LRP1B: variants seen among roughly 807,000 people sequenced by gnomAD.
LRP1B encodes the protein LDL receptor related protein 1B.
LRP1B carries 217 observed loss-of-function variants against 556.6 expected under a neutral mutation model. The ratio of observed to expected loss-of-function variants is 0.39; its 90% CI spans 0.35 to 0.44. LRP1B has a LOEUF of 0.44. LRP1B is among the 20% of genes least tolerant of loss of function. The probability of loss-of-function intolerance (pLI) is 1.00; values close to 1 mark genes in which losing one functional copy is unlikely to be tolerated. For missense variants in LRP1B, 5,053 were observed against 5,620.8 expected (o/e 0.90, Z 3.23); for synonymous variants, 2,047 against 1,865.8 (o/e 1.10, Z -2.50).
Position 141,229,178 on chromosome 2 carries a change from C to T in LRP1B, c.850+5G>A, listed in dbSNP as rs1246934017. 6.2e-7 allele frequency: 1 copy of T among 1,612,416 alleles called. No homozygotes were observed. Among genetic ancestry groups the T allele is most frequent in the Admixed American group, 1.7e-5 (1 of 59,816 alleles). ...TGGCATATAATATTTAATTGAAACA[C>T]TTACTGTGGAAGGATTGAAGAATAT... On this transcript the variant is annotated splice_donor_5th_base_variant and intron_variant, in intron 6 of 90. Transcript: ENST00000389484.
chr2:140,288,885 C>T (rs536941792), intron 84 of LRP1B, among the ~76,000 whole-genome samples: 2 of 151,760 alleles, frequency 1.3e-5, no homozygotes, highest in African/African-American at 4.8e-5. Flanking sequence ...ATGTACTCTT[C>T]CTTACATTGT....
intron 41 of LRP1B, among the ~76,000 whole-genome samples, chr2:140,646,620 T>C (rs1684494734): frequency 6.6e-6 from 1 of 152,214 alleles, no homozygotes; most frequent in African/African-American, 2.4e-5. Flanking sequence ...AGCATTCATA[T>C]TTTTTAATGT....
At chr2:141,983,799 G>A (rs747166966) in intron 1 of LRP1B, among the ~76,000 whole-genome samples, 49 of 152,278 alleles carry the variant, frequency 3.2e-4, no homozygotes, top group Non-Finnish European at 4.9e-4. Flanking sequence ...GGTGGCTCAC[G>A]CCTGCAATCC....
intron 15 of LRP1B, among the ~76,000 whole-genome samples, chr2:140,999,519 G>A (rs999999884): frequency 6.6e-6 from 1 of 151,994 alleles, no homozygotes; most frequent in Non-Finnish European, 1.5e-5. Context: ...AAACAACATT[G>A]TATATAGTAT....
chr2:140,521,463 A>G (rs1419503222), intron 49 of LRP1B, among the ~76,000 whole-genome samples: 1 of 152,080 alleles, frequency 6.6e-6, no homozygotes, highest in Non-Finnish European at 1.5e-5. Flanking sequence ...TAAAGGAGAA[A>G]TAAAGTCTTT....
In LRP1B at chr2:141,847,606, T is replaced by C. The variant is rs1687370507; in HGVS notation, c.83-37205A>G. ...AAATGCAGAAAAACATACAGTATAG[T>C]GCAATGGAATAAAAAGCCTTAAGAC... is the stretch of plus-strand genomic sequence containing the variant. On this transcript the variant is annotated intron_variant, in intron 1 of 90. Transcript: ENST00000389484. 2.0e-5 allele frequency among the ~76,000 whole-genome samples: 3 copies of C among 151,506 alleles called. No individual in the cohort carries two copies. The South Asian group carries it at 6.2e-4, about 31-fold the overall frequency.
At chr2:141,077,662 G>C (rs781230479) in intron 7 of LRP1B, among the ~76,000 whole-genome samples, 1 of 152,168 alleles carries the variant, frequency 6.6e-6, no homozygotes, top group Non-Finnish European at 1.5e-5. Flanking sequence ...GATTTCCCCC[G>C]AGGAAGAAGT....
intron 11 of LRP1B, among the ~76,000 whole-genome samples, chr2:141,022,695 G>C (rs1200595394): frequency 6.6e-6 from 1 of 151,802 alleles, no homozygotes; most frequent in Non-Finnish European, 1.5e-5. Context: ...GGCATTCAAA[G>C]GCCAAACAAA....
intron 7 of LRP1B, among the ~76,000 whole-genome samples, chr2:141,140,873 T>C (rs1701634394): frequency 6.6e-6 from 1 of 152,074 alleles, no homozygotes; most frequent in South Asian, 2.1e-4. Context: ...ATAATATACA[T>C]AATTATAAAT....
intron 3 of LRP1B, among the ~76,000 whole-genome samples, chr2:141,448,386 G>A (rs1232504861): frequency 1.3e-5 from 2 of 152,156 alleles, no homozygotes; most frequent in African/African-American, 4.8e-5. Flanking sequence ...AAGACCACTT[G>A]GCTTCCTGGC....
At chr2:141,967,532 T>C (rs543386755) in intron 1 of LRP1B, among the ~76,000 whole-genome samples, 1 of 151,856 alleles carries the variant, frequency 6.6e-6, no homozygotes, top group Non-Finnish European at 1.5e-5. Context: ...TCTTTTCAAA[T>C]GTATACACAC....
At chr2:141,216,470 C>A (rs79702528) in intron 6 of LRP1B, among the ~76,000 whole-genome samples, 11,703 of 152,224 alleles carry the variant, frequency 0.077, 478 homozygotes, top group East Asian at 0.15. Context: ...GGGGTTGGAG[C>A]CTCCACTCAG....
At chr2:142,033,039 G>A (rs538377100) in intron 1 of LRP1B, among the ~76,000 whole-genome samples, 115 of 151,742 alleles carry the variant, frequency 7.6e-4, no homozygotes, top group African/African-American at 2.5e-3. Context: ...CGCCTCATCT[G>A]TCATGAACAT....
chr2:141,765,122 G>C (rs12472879), intron 2 of LRP1B, among the ~76,000 whole-genome samples: 1 of 130,054 alleles, frequency 7.7e-6, no homozygotes, highest in Non-Finnish European at 1.8e-5. Flanking sequence ...AACAGGGAAA[G>C]AATTCGCAAG....
At chr2:141,475,524 C>A (rs1682666264) in intron 3 of LRP1B, among the ~76,000 whole-genome samples, 1 of 152,178 alleles carries the variant, frequency 6.6e-6, no homozygotes, top group East Asian at 1.9e-4. Context: ...CCAGCAAAGG[C>A]CCCATCCTCA....
intron 66 of LRP1B, among the ~76,000 whole-genome samples, chr2:140,420,865 C>G (rs1177129856): frequency 6.6e-6 from 1 of 152,088 alleles, no homozygotes; most frequent in Non-Finnish European, 1.5e-5. Flanking sequence ...AGGGAAATTT[C>G]TAGAGGTGAT....
At position 140,773,950 on chromosome 2, in the gene LRP1B, T is replaced by C. The variant is rs144216168; in HGVS notation, c.5500+2148A>G. ...CTTGGCTTAATAATTTATAATGATA[T>C]TGATGTTGAAACCTCATGCCCCAAA... On this transcript the variant is annotated intron_variant, in intron 33 of 90. Coordinates refer to ENST00000389484, the MANE Select transcript of LRP1B (RefSeq NM_018557.3). 4.3e-3 allele frequency among the ~76,000 whole-genome samples: 652 copies of C among 152,244 alleles called. 2 individuals carry two copies. The highest frequency in any genetic ancestry group is 0.014 in the African/African-American group (586 of 41,570).
intron 21 of LRP1B, among the ~76,000 whole-genome samples, chr2:140,911,448 C>T (rs1032507977): frequency 6.6e-6 from 1 of 151,676 alleles, no homozygotes. Flanking sequence ...AATATATTAG[C>T]TTATTTTAAA....
rs189466057 is a variant in LRP1B at position 141,035,816 on chromosome 2, G to A, written c.1789+13170C>T. Among the ~76,000 whole-genome samples the A allele has an allele frequency of 4.5e-4, 68 of 152,134 alleles. No individual in the cohort carries two copies. In the Middle Eastern group the frequency reaches 0.01, roughly 23 times the overall value. ...TAAATCTTTTTGCATCAAGTAAAATGCCTTTATGTGTAAACTGTGGATATT... is the reference window on the plus strand; with the variant it reads ...TAAATCTTTTTGCATCAAGTAAAATACCTTTATGTGTAAACTGTGGATATT... On this transcript the variant is annotated intron_variant, in intron 11 of 90. Transcript: ENST00000389484.
Sources: allele counts gnomAD v4.1 joint callset (sites outside exome capture counted in the v4.1 genomes callset), GRCh38; gene constraint gnomAD v4.1.1; transcripts MANE v1.5; gene names NCBI Gene and HGNC (gene_info 2026-07-23, HGNC 2026-07-21).